Variants in RANBP2 observed in about 807,000 individuals in gnomAD.
The protein encoded by RANBP2 is RAN binding protein 2.
RANBP2 carries 57 observed loss-of-function variants against 303.6 expected under a neutral mutation model. The ratio of observed to expected loss-of-function variants is 0.19; its 90% CI spans 0.15 to 0.23. RANBP2 has a LOEUF of 0.23. Ranked by LOEUF, RANBP2 falls within the 10% of genes least tolerant of loss-of-function variation. The pLI, the probability that RANBP2 is intolerant of heterozygous loss-of-function variation, is 1.00. For synonymous variants in RANBP2, 1,167 were observed against 1,301.5 expected (o/e 0.90, Z 2.23); for missense variants, 3,138 against 3,780.8 (o/e 0.83, Z 4.46).
chr2:108,812,313 T>G, the RANBP2 span, among the ~76,000 whole-genome samples: 1 of 152,186 alleles, frequency 6.6e-6, no homozygotes, highest in Non-Finnish European at 1.5e-5. Flanking sequence ...GATTTTATAC[T>G]TTTCTTTATA....
the RANBP2 span, among the ~76,000 whole-genome samples, chr2:109,000,641 T>C: frequency 6.6e-6 from 1 of 152,214 alleles, no homozygotes; most frequent in African/African-American, 2.4e-5. Flanking sequence ...GGACGGCTTC[T>C]TGGGAAAAGA....
At chr2:108,738,201 A>G (rs1346862118) in intron 6 of RANBP2, among the ~76,000 whole-genome samples, 15 of 150,094 alleles carry the variant, frequency 1.0e-4, no homozygotes, top group Admixed American at 2.0e-4. Context: ...TCAGCCTCCC[A>G]AGTAGCTGGG....
the RANBP2 span, among the ~76,000 whole-genome samples, chr2:109,236,124 A>T: frequency 3.2e-4 from 48 of 152,288 alleles, 1 homozygote; most frequent in African/African-American, 1.1e-3. Flanking sequence ...CCTCTCCAAG[A>T]TCAATAGTTT....
the RANBP2 span, among the ~76,000 whole-genome samples, chr2:109,243,276 G>T: frequency 6.6e-6 from 1 of 152,224 alleles, no homozygotes; most frequent in East Asian, 1.9e-4. Context: ...CAGAGCCGGC[G>T]TCAGCCGTAC....
chr2:108,839,461 G>C, the RANBP2 span, among the ~76,000 whole-genome samples: 143 of 152,228 alleles, frequency 9.4e-4, no homozygotes, highest in African/African-American at 3.4e-3. Flanking sequence ...TGTTAAACCT[G>C]TATATTAATT....
chr2:109,477,615 T>TGG, the RANBP2 span, among the ~76,000 whole-genome samples: 1,974 of 35,568 alleles, frequency 0.055, 48 homozygotes, highest in African/African-American at 0.12. Flanking sequence ...CACAGATGGG[T>TGG]GTGTGTGTGT....
the RANBP2 span, among the ~76,000 whole-genome samples, chr2:108,809,899 G>A: frequency 1.3e-5 from 2 of 151,884 alleles, no homozygotes; most frequent in Admixed American, 6.6e-5. Flanking sequence ...TCCACCTCCT[G>A]GGTTCACACA....
chr2:109,476,318 C>A, the RANBP2 span, among the ~76,000 whole-genome samples: 5 of 152,168 alleles, frequency 3.3e-5, no homozygotes, highest in Non-Finnish European at 7.4e-5. Flanking sequence ...CAAATGAGAT[C>A]ATGTATGTGT....
the RANBP2 span, among the ~76,000 whole-genome samples, chr2:109,015,500 G>A: frequency 3.6e-4 from 55 of 152,206 alleles, no homozygotes; most frequent in African/African-American, 1.2e-3. Context: ...GCTCATGCCT[G>A]TATTCCCAGC....
At chr2:109,118,614 A>T in the RANBP2 span, among the ~76,000 whole-genome samples, 1 of 150,634 alleles carries the variant, frequency 6.6e-6, no homozygotes, top group South Asian at 2.2e-4. Context: ...TTTTTGGGTC[A>T]GGGTCTGTGG....
the RANBP2 span, among the ~76,000 whole-genome samples, chr2:109,078,265 C>CTATA: frequency 6.0e-4 from 8 of 13,330 alleles, no homozygotes; most frequent in African/African-American, 1.1e-3. Flanking sequence ...ATATATATAG[C>CTATA]GCGTATATAT....
At chr2:109,158,204 G>T in the RANBP2 span, among the ~76,000 whole-genome samples, 1 of 152,292 alleles carries the variant, frequency 6.6e-6, no homozygotes, top group Non-Finnish European at 1.5e-5. Flanking sequence ...GGAAATGATT[G>T]CTCTGGGGAG....
chr2:108,824,944 T>C, the RANBP2 span, among the ~76,000 whole-genome samples: 1 of 152,164 alleles, frequency 6.6e-6, no homozygotes, highest in South Asian at 2.1e-4. Context: ...CTGTGTAAGA[T>C]TAAAAATTGG....
chr2:108,943,462 C>T, the RANBP2 span, among the ~76,000 whole-genome samples: 1 of 152,164 alleles, frequency 6.6e-6, no homozygotes, highest in South Asian at 2.1e-4. Context: ...CTACCCTGTG[C>T]CTTTTTTCCA....
the RANBP2 span, among the ~76,000 whole-genome samples, chr2:108,831,886 C>T: frequency 6.7e-6 from 1 of 149,436 alleles, no homozygotes; most frequent in Admixed American, 6.6e-5. Flanking sequence ...GCACTGGCCA[C>T]CATGCCTGGC....
chr2:109,056,440 A>G, the RANBP2 span, among the ~76,000 whole-genome samples: 2 of 152,122 alleles, frequency 1.3e-5, no homozygotes, highest in South Asian at 4.1e-4. Context: ...AAGTGCTGGG[A>G]TTACAGGCAT....
the RANBP2 span, among the ~76,000 whole-genome samples, chr2:109,317,706 TCA>T: frequency 6.6e-6 from 1 of 152,200 alleles, no homozygotes; most frequent in South Asian, 2.1e-4. Context: ...CACCACGGAA[TCA>T]CAGTGAGGTC....
At chr2:109,175,096 G>GC in the RANBP2 span, among the ~76,000 whole-genome samples, 39,927 of 152,032 alleles carry the variant, frequency 0.26, 5,562 homozygotes, top group East Asian at 0.42. Flanking sequence ...GCTAAGAAGT[G>GC]CATTCATGCC....
the RANBP2 span, among the ~76,000 whole-genome samples, chr2:109,537,454 T>TG: frequency 6.6e-6 from 1 of 152,168 alleles, no homozygotes; most frequent in Non-Finnish European, 1.5e-5. Context: ...AGCATTTTGT[T>TG]TAGGATTTTT....
Sources: allele counts gnomAD v4.1 joint callset (sites outside exome capture counted in the v4.1 genomes callset), GRCh38; gene constraint gnomAD v4.1.1; transcripts MANE v1.5; gene names NCBI Gene and HGNC (gene_info 2026-07-23, HGNC 2026-07-21).